TTC29: variants seen among roughly 807,000 people sequenced by gnomAD.
The protein encoded by TTC29 is tetratricopeptide repeat domain 29.
A neutral mutation model predicts 58.1 loss-of-function variants in TTC29; 49 were observed. The ratio of observed to expected loss-of-function variants is 0.84; its 90% CI spans 0.67 to 1.07. The LOEUF (loss-of-function observed/expected upper bound fraction) is 1.07, where lower values mean the gene tolerates loss of function less well. Among genes scored for constraint, TTC29 ranks in the 50% least tolerant of loss-of-function variants. The pLI, the probability that TTC29 is intolerant of heterozygous loss-of-function variation, is 0.00. For missense variants in TTC29, 582 were observed against 555.6 expected (o/e 1.05, Z -0.48); for synonymous variants, 209 against 196.8 (o/e 1.06, Z -0.52).
intron 11 of TTC29, among the ~76,000 whole-genome samples, chr4:146,798,621 T>A (rs1435676618): frequency 1.3e-5 from 2 of 152,050 alleles, no homozygotes; most frequent in African/African-American, 4.8e-5. Context: ...CTAGGCATGG[T>A]GGCTCATGCC....
intron 4 of TTC29, among the ~76,000 whole-genome samples, chr4:146,925,530 A>C (rs1306011680): frequency 2.0e-5 from 3 of 152,070 alleles, no homozygotes; most frequent in Non-Finnish European, 4.4e-5. Flanking sequence ...TATCATGGTA[A>C]GAATTTATTA....
At chr4:146,876,884 C>T (rs1021220245) in intron 6 of TTC29, among the ~76,000 whole-genome samples, 6 of 141,834 alleles carry the variant, frequency 4.2e-5, no homozygotes, top group Admixed American at 7.9e-5. Context: ...TGTGGTGAGC[C>T]GAGATCATGC....
rs1481431310 is a variant in TTC29 at position 146,943,450 on chromosome 4, GA to G, written c.-7+1580del. ...AAAGTGGAAAAAAAAAAGCATGTTG[GA>G]AAAAATATCCCTCAATCAATCTATG... is the stretch of plus-strand genomic sequence containing the variant. On this transcript the variant is annotated intron_variant, in intron 2 of 12. Coordinates refer to ENST00000325106, the MANE Select transcript of TTC29 (RefSeq NM_031956.4). Among the ~76,000 whole-genome samples the G allele has an allele frequency of 1.3e-4, 20 of 152,150 alleles. No individual in the cohort carries two copies. The East Asian group carries it at 3.3e-3, about 25-fold the overall frequency.
intron 8 of TTC29, among the ~76,000 whole-genome samples, chr4:146,844,013 C>T (rs1026732272): frequency 6.6e-6 from 1 of 152,134 alleles, no homozygotes; most frequent in Non-Finnish European, 1.5e-5. Flanking sequence ...ATAATCAGTG[C>T]TGTACAAAAA....
intron 6 of TTC29, among the ~76,000 whole-genome samples, chr4:146,903,162 C>T (rs1183211392): frequency 2.0e-5 from 3 of 151,952 alleles, no homozygotes; most frequent in East Asian, 1.9e-4. Flanking sequence ...TGAGGTGTTA[C>T]GTGAGTTATA....
rs866558666 is a variant in TTC29, at chr4:146,798,569, C to A, written c.1330+4888G>T. On this transcript the variant is annotated intron_variant, in intron 11 of 12. Coordinates refer to ENST00000325106, the MANE Select transcript of TTC29 (RefSeq NM_031956.4). ...AAACAACAAATAAAATGCTCATGAA[C>A]ATCTAGATTGTACTCTTAAAGACTA... is the stretch of plus-strand genomic sequence containing the variant. Among the ~76,000 whole-genome samples the A allele has an allele frequency of 2.6e-5, 4 of 152,090 alleles. No individual in the cohort carries two copies. In the South Asian group the frequency reaches 6.2e-4, roughly 24 times the overall value.
intron 4 of TTC29, among the ~76,000 whole-genome samples, chr4:146,917,612 A>ATAATATCTAATTAGACATT (rs1229139204): frequency 6.9e-6 from 1 of 144,386 alleles, no homozygotes; most frequent in Non-Finnish European, 1.5e-5. Flanking sequence ...TATTATTTAT[A>ATAATATCTAATTAGACATT]ATATATAATT....
At chr4:146,935,158 A>G (rs1735685260) in intron 4 of TTC29, among the ~76,000 whole-genome samples, 1 of 152,092 alleles carries the variant, frequency 6.6e-6, no homozygotes, top group Non-Finnish European at 1.5e-5. Context: ...TGAGATGCAG[A>G]GCACAAGCAG....
intron 11 of TTC29, among the ~76,000 whole-genome samples, chr4:146,750,825 C>T (rs1745924805): frequency 6.6e-6 from 1 of 152,100 alleles, no homozygotes; most frequent in Admixed American, 6.6e-5. Context: ...ACTTATAAAA[C>T]AATCTGAAAA....
chr4:146,723,328 T>C (rs1323204316), intron 11 of TTC29, among the ~76,000 whole-genome samples: 1 of 151,868 alleles, frequency 6.6e-6, no homozygotes, highest in African/African-American at 2.4e-5. Context: ...ACATGGGCCT[T>C]GGGAAATAAT....
At chr4:146,836,456 G>C (rs1728516480) in intron 8 of TTC29, among the ~76,000 whole-genome samples, 1 of 152,118 alleles carries the variant, frequency 6.6e-6, no homozygotes, top group Admixed American at 6.6e-5. Flanking sequence ...AGGAACATGA[G>C]CTGCAGTGGG....
chr4:146,714,254 C>T (rs1742754502), intron 11 of TTC29, among the ~76,000 whole-genome samples: 1 of 151,830 alleles, frequency 6.6e-6, no homozygotes, highest in Admixed American at 6.6e-5. Context: ...GAATTAGGAA[C>T]AAAAACAAAG....
At chr4:146,858,310 T>C (rs988778066) in intron 8 of TTC29, among the ~76,000 whole-genome samples, 4 of 152,210 alleles carry the variant, frequency 2.6e-5, no homozygotes, top group South Asian at 2.1e-4. Context: ...AAGGCTCACG[T>C]GCTCTTTCTG....
intron 11 of TTC29, among the ~76,000 whole-genome samples, chr4:146,799,535 A>G (rs917537314): frequency 6.6e-6 from 1 of 152,222 alleles, no homozygotes; most frequent in African/African-American, 2.4e-5. Flanking sequence ...TCTTTTAAGA[A>G]TACTAAATGA....
intron 9 of TTC29, among the ~76,000 whole-genome samples, chr4:146,821,183 C>T (rs1751792963): frequency 1.3e-5 from 2 of 152,102 alleles, no homozygotes; most frequent in African/African-American, 4.8e-5. Context: ...GGAAAGTAGG[C>T]TAGTGGTCGC....
At chr4:146,845,244 T>C (rs1285898039) in intron 8 of TTC29, among the ~76,000 whole-genome samples, 1 of 152,048 alleles carries the variant, frequency 6.6e-6, no homozygotes, top group African/African-American at 2.4e-5. Flanking sequence ...AGGCGGTAAA[T>C]AGGCCTTTTC....
At chr4:146,752,712 C>G (rs1230519330) in intron 11 of TTC29, among the ~76,000 whole-genome samples, 2 of 152,052 alleles carry the variant, frequency 1.3e-5, no homozygotes. Context: ...AGATATAGAC[C>G]AGTGGAACAG....
chr4:146,890,446 G>A (rs1332374436), intron 6 of TTC29, among the ~76,000 whole-genome samples: 1 of 152,154 alleles, frequency 6.6e-6, no homozygotes, highest in East Asian at 1.9e-4. Flanking sequence ...ATGACAGGAG[G>A]CTGAGGGCTG....
intron 9 of TTC29, among the ~76,000 whole-genome samples, chr4:146,833,294 AGTT>A (rs1728288393): frequency 6.6e-6 from 1 of 152,228 alleles, no homozygotes; most frequent in South Asian, 2.1e-4. Context: ...AGGTATCAGA[AGTT>A]GTTCATATAT....
Sources: gnomAD v4.1 joint callset for allele counts (sites outside exome capture counted in the v4.1 genomes callset) on GRCh38, gnomAD v4.1.1 for gene constraint, MANE v1.5 for transcripts, NCBI Gene and HGNC (gene_info 2026-07-23, HGNC 2026-07-21) for gene names.